CYREN: variants seen among roughly 807,000 people sequenced by gnomAD.
CYREN encodes the protein cell cycle regulator of non-homologous end joining.
A neutral mutation model predicts 9.7 loss-of-function variants in CYREN; 7 were observed. That is an observed-to-expected ratio of 0.72 (90% CI 0.41 to 1.36). CYREN has a LOEUF of 1.36. Among genes scored for constraint, CYREN ranks in the 40% most tolerant of loss-of-function variants. The probability of loss-of-function intolerance (pLI) is 0.01; values close to 1 mark genes in which losing one functional copy is unlikely to be tolerated. For synonymous variants in CYREN, 76 were observed against 77.9 expected, an observed-to-expected ratio of 0.98 and a Z score of 0.13; for missense variants, 215 against 198.1, an observed-to-expected ratio of 1.09 and a Z score of -0.51.
chr7:135,139,803 T>G (rs1033699412), intron 2 of CYREN, among the ~76,000 whole-genome samples: 2 of 152,190 alleles, frequency 1.3e-5, no homozygotes, highest in Admixed American at 1.3e-4. Context: ...TAGCCAGTTA[T>G]TCCAGCACCA....
chr7:135,146,363 A>T (rs1041384116), intron 2 of CYREN, among the ~76,000 whole-genome samples: 2 of 152,178 alleles, frequency 1.3e-5, no homozygotes, highest in Non-Finnish European at 2.9e-5. Flanking sequence ...CACCATAACC[A>T]ACATAATAAT....
chr7:135,100,891 T>TGTAA (rs1412210133), intron 2 of CYREN, among the ~76,000 whole-genome samples: 1 of 152,224 alleles, frequency 6.6e-6, no homozygotes, highest in Non-Finnish European at 1.5e-5. Context: ...ATTCCCCTTA[T>TGTAA]GTAACATGGG....
At chr7:135,096,098 G>A (rs187742216) in intron 2 of CYREN, among the ~76,000 whole-genome samples, 117 of 151,920 alleles carry the variant, frequency 7.7e-4, no homozygotes, top group Admixed American at 5.2e-3. Context: ...GTTGCAGTGA[G>A]CTGAGATCAT....
At chr7:135,127,712 T>C (rs1828087666) in intron 2 of CYREN, among the ~76,000 whole-genome samples, 1 of 152,156 alleles carries the variant, frequency 6.6e-6, no homozygotes. Context: ...TAAGAATGCT[T>C]TTACTCTGCT....
intron 2 of CYREN, among the ~76,000 whole-genome samples, chr7:135,138,980 T>C (rs937246979): frequency 4.6e-5 from 7 of 152,144 alleles, no homozygotes; most frequent in African/African-American, 1.7e-4. Flanking sequence ...ACATTTTCTT[T>C]ATTCAGTCCA....
chr7:135,168,572 G>A, intron 2 of CYREN: 1 of 636,084 alleles, frequency 1.6e-6, no homozygotes, highest in Non-Finnish European at 2.6e-6. Flanking sequence ...GCACTCACCA[G>A]TGCAGAGGCA....
chr7:135,129,413 G>A, intron 2 of CYREN: 4 of 802,658 alleles, frequency 5.0e-6, no homozygotes, highest in Non-Finnish European at 9.1e-6. Flanking sequence ...ATGATAAGAG[G>A]GTGATTCAGA....
intron 2 of CYREN, among the ~76,000 whole-genome samples, chr7:135,158,974 C>T (rs1322817100): frequency 2.0e-5 from 3 of 152,352 alleles, no homozygotes; most frequent in East Asian, 3.9e-4. Flanking sequence ...TAGGCAGCTC[C>T]GAATGTCAGG....
At chr7:135,147,717 ACC>A in intron 2 of CYREN, 1 of 454,124 alleles carries the variant, frequency 2.2e-6, no homozygotes, top group Non-Finnish European at 4.4e-6. Flanking sequence ...GTAGGAGGTG[ACC>A]TGGGTCCTGA....
chr7:135,123,300 T>G (rs1210940047), intron 2 of CYREN, among the ~76,000 whole-genome samples: 1 of 152,068 alleles, frequency 6.6e-6, no homozygotes, highest in Non-Finnish European at 1.5e-5. Context: ...TATCAGAGTT[T>G]GAAGACAACC....
chr7:135,148,368 C>A, intron 2 of CYREN: 1 of 333,906 alleles, frequency 3.0e-6, no homozygotes, highest in Non-Finnish European at 5.8e-6. Context: ...TTCTGGCAAT[C>A]CACATAGGGG....
intron 2 of CYREN, among the ~76,000 whole-genome samples, chr7:135,102,291 ATTATAC>A (rs1009292449): frequency 1.3e-5 from 2 of 152,208 alleles, no homozygotes; most frequent in Non-Finnish European, 2.9e-5. Context: ...TACCATGGAA[ATTATAC>A]TTATATTTTC....
chr7:135,160,759 G>A (rs1040734133), intron 2 of CYREN, among the ~76,000 whole-genome samples: 1 of 150,900 alleles, frequency 6.6e-6, no homozygotes, highest in African/African-American at 2.4e-5. Flanking sequence ...AAAAAAAAGA[G>A]CCCCTACTGT....
At chr7:135,096,795 A>AAAGAAAG (rs1822968399) in intron 2 of CYREN, among the ~76,000 whole-genome samples, 6 of 123,540 alleles carry the variant, frequency 4.9e-5, no homozygotes, top group Non-Finnish European at 5.4e-5. Context: ...AAGAAAGAAA[A>AAAGAAAG]AGGGAAGAAG....
At chr7:135,093,001 C>G (rs951360755) in exon 3 of CYREN, 1 of 150,924 alleles carries the variant, frequency 6.6e-6, no homozygotes, top group Admixed American at 6.6e-5. Flanking sequence ...AAAAGAGACA[C>G]TCAACAAATT....
chr7:135,141,326 T>C (rs1460220407), intron 2 of CYREN, among the ~76,000 whole-genome samples: 1 of 152,138 alleles, frequency 6.6e-6, no homozygotes, highest in Non-Finnish European at 1.5e-5. Context: ...CTTCTAGGTT[T>C]TCTAGTTTGT....
Position 135,143,918 on chromosome 7 carries a change from T to C in CYREN, n.356+24831A>G, listed in dbSNP as rs544119279. ...GGCCCACTCCTTCCCTTCCCCCATG[T>C]TCAGCAGAAGGGAAACTCCACTGTG... On this transcript the variant is annotated intron_variant and non_coding_transcript_variant, in intron 2 of 2. Coordinates refer to the CYREN transcript ENST00000459937. Among the ~76,000 whole-genome samples the C allele has an allele frequency of 3.3e-5, 5 of 152,292 alleles. No homozygotes were observed. The East Asian group carries it at 9.7e-4, about 29-fold the overall frequency.
intron 2 of CYREN, among the ~76,000 whole-genome samples, chr7:135,132,374 T>C (rs1034385852): frequency 6.6e-6 from 1 of 152,196 alleles, no homozygotes; most frequent in African/African-American, 2.4e-5. Flanking sequence ...AAAAAGTAAT[T>C]GATGAAATCC....
At chr7:135,141,138 G>A (rs114934619) in intron 2 of CYREN, among the ~76,000 whole-genome samples, 2 of 151,992 alleles carry the variant, frequency 1.3e-5, no homozygotes, top group Admixed American at 1.3e-4. Flanking sequence ...TTTGCTACCT[G>A]TTTTTCTTTG....
Sources: gnomAD v4.1 joint callset for allele counts (sites outside exome capture counted in the v4.1 genomes callset) on GRCh38, gnomAD v4.1.1 for gene constraint, MANE v1.5 for transcripts, NCBI Gene and HGNC (gene_info 2026-07-23, HGNC 2026-07-21) for gene names.